The following HMCN1 variants were observed in gnomAD, a reference collection of about 807,000 sequenced individuals.
HMCN1 encodes hemicentin-1.
HMCN1 carries 321 observed loss-of-function variants against 625.9 expected under a neutral mutation model. The observed-to-expected ratio is 0.51, with a 90% confidence interval of 0.47 to 0.56. The LOEUF is 0.56. Among genes scored for constraint, HMCN1 ranks in the 20% least tolerant of loss-of-function variants. The pLI, the probability that HMCN1 is intolerant of heterozygous loss-of-function variation, is 0.00. For synonymous variants in HMCN1, 2,425 were observed against 2,417.6 expected, an observed-to-expected ratio of 1.00 and a Z score of -0.09; for missense variants, 6,588 against 6,887.3, an observed-to-expected ratio of 0.96 and a Z score of 1.54.
rs796078537 is a variant in HMCN1, at chr1:185,885,517, GT to G, written c.621+19665del. Reference sequence around the variant, plus strand: ...TTACTTTAGTGACAAATTTCCTGACGTTTTTTTTTTTCCTTTTCTCTAAACC... The same window carrying G: ...TTACTTTAGTGACAAATTTCCTGACGTTTTTTTTTTCCTTTTCTCTAAACC... On this transcript the variant is annotated intron_variant, in intron 4 of 106. Transcript: ENST00000271588. Among the ~76,000 whole-genome samples the G allele has an allele frequency of 9.2e-3, 1,309 of 142,466 alleles. 16 individuals are homozygous for G. Among genetic ancestry groups the G allele is most frequent in the African/African-American group, 0.029 (1,113 of 37,856 alleles). The allele number at this position is 142,466 out of a possible 152,430, so 93.5% of individuals were successfully genotyped here. A position where few individuals can be genotyped will look rare whatever the true frequency, so the allele number is the denominator to read the frequency against.
intron 4 of HMCN1, among the ~76,000 whole-genome samples, chr1:185,887,450 C>A (rs914787675): frequency 1.4e-5 from 2 of 143,354 alleles, no homozygotes; most frequent in African/African-American, 5.0e-5. Context: ...AATGCTATCC[C>A]TCCCCCCTCC....
chr1:185,994,741 G>A, intron 23 of HMCN1, 74 bp from the exon 24 acceptor site: 1 of 1,416,846 alleles, frequency 7.1e-7, no homozygotes, highest in East Asian at 2.3e-5. Flanking sequence ...TGTTGATAAG[G>A]AGCTCTCGTT....
At chr1:185,827,171 C>CAAAAAAAAAAAA (rs756416016) in intron 1 of HMCN1, among the ~76,000 whole-genome samples, 2 of 43,184 alleles carry the variant, frequency 4.6e-5, no homozygotes, top group East Asian at 7.0e-4. Flanking sequence ...GACTCCATCT[C>CAAAAAAAAAAAA]AAAAAAAAAA....
intron 1 of HMCN1, among the ~76,000 whole-genome samples, chr1:185,741,908 T>A (rs1654018609): frequency 6.6e-6 from 1 of 152,208 alleles, no homozygotes; most frequent in South Asian, 2.1e-4. Context: ...GCTTTGTTCA[T>A]GAGGCTAAAA....
At position 186,069,660 on chromosome 1, in the gene HMCN1, C is replaced by T. The variant is rs1658363776; in HGVS notation, c.7880-3C>T. 14 of 1,600,944 alleles carry T rather than the reference C, an allele frequency of 8.7e-6. No homozygotes were observed. Among genetic ancestry groups the T allele is most frequent in the African/African-American group, 1.3e-5 (1 of 74,792 alleles). ...GACTCTTTGATGTCCCATGATTTTA[C>T]AGGAGGCAGAACTCTGCAGATCCTC... is the stretch of plus-strand genomic sequence containing the variant. On this transcript the variant is annotated splice_polypyrimidine_tract_variant and splice_region_variant and intron_variant, in intron 50 of 106. Coordinates refer to ENST00000271588, the MANE Select transcript of HMCN1 (RefSeq NM_031935.3).
At position 186,078,146 on chromosome 1, in the gene HMCN1, A is replaced by G. The variant is rs1658941807; in HGVS notation, c.8525A>G (p.Asp2842Gly). 1 of 1,613,758 alleles carries G rather than the reference A, an allele frequency of 6.2e-7. No individual in the cohort carries two copies. The highest frequency in any genetic ancestry group is 8.5e-7 in the Non-Finnish European group (1 of 1,179,890). ...CAGATTCCTCGGGCTAAAGTAGAAGATGCTGGGAGATACACATGTGTGGCT... is the reference window on the plus strand; with the variant it reads ...CAGATTCCTCGGGCTAAAGTAGAAGGTGCTGGGAGATACACATGTGTGGCT... ...VLQIPRAKVEDAGRYTCVAVN... is the reference protein window; with the variant it reads ...VLQIPRAKVEGAGRYTCVAVN... Residue 2842 changes from aspartate to glycine, a missense_variant, in exon 55 of 107, where the codon GAT becomes GGT. Around this residue, in one of 3 missense-constraint regions of HMCN1, gnomAD observed 4,628 missense variants for 4,853.1 expected, o/e 0.95. Transcript: ENST00000271588.
At position 185,899,016 on chromosome 1, in the gene HMCN1, G is replaced by A. The variant is rs543696886; in HGVS notation, c.622-10321G>A. Among the ~76,000 whole-genome samples, 11 of 152,160 alleles carry A rather than the reference G, an allele frequency of 7.2e-5. No homozygotes were observed. In the South Asian group the frequency reaches 2.3e-3, roughly 32 times the overall value. Reference sequence around the variant, plus strand: ...AAGGCAATAAAACTTAAGCTTCAGGGCCCTTCTTTTGTGTGGACCCCTTCC... The same window carrying A: ...AAGGCAATAAAACTTAAGCTTCAGGACCCTTCTTTTGTGTGGACCCCTTCC... On this transcript the variant is annotated intron_variant, in intron 4 of 106. Transcript: ENST00000271588.
At chr1:185,965,098 C>T (rs1650310450) in intron 13 of HMCN1, among the ~76,000 whole-genome samples, 1 of 152,030 alleles carries the variant, frequency 6.6e-6, no homozygotes, top group Admixed American at 6.6e-5. Context: ...TCAGCTGAAG[C>T]TAGGAAGTCC....
chr1:186,127,018 T>C (rs1229332175), intron 82 of HMCN1, among the ~76,000 whole-genome samples: 2 of 151,986 alleles, frequency 1.3e-5, no homozygotes, highest in East Asian at 3.9e-4. Context: ...AGTAAGACTC[T>C]GCATATACTT....
intron 11 of HMCN1, among the ~76,000 whole-genome samples, chr1:185,946,629 C>T (rs1052457710): frequency 3.9e-5 from 6 of 152,272 alleles, no homozygotes; most frequent in South Asian, 2.1e-4. Context: ...TGAAAGTTTT[C>T]TAAGTGAGAA....
At chr1:186,055,052 T>A (rs910016362) in intron 44 of HMCN1, among the ~76,000 whole-genome samples, 2 of 152,020 alleles carry the variant, frequency 1.3e-5, no homozygotes, top group Admixed American at 6.6e-5. Flanking sequence ...GCTAGGCTAC[T>A]ATATCTATTT....
At chr1:185,931,854 C>A (rs1187001799) in intron 10 of HMCN1, among the ~76,000 whole-genome samples, 2 of 152,118 alleles carry the variant, frequency 1.3e-5, no homozygotes, top group Non-Finnish European at 2.9e-5. Flanking sequence ...AAGTAATCAT[C>A]TTATTTTTCA....
intron 102 of HMCN1, among the ~76,000 whole-genome samples, chr1:186,172,466 A>T (rs1409955680): frequency 2.0e-5 from 3 of 152,214 alleles, no homozygotes; most frequent in African/African-American, 4.8e-5. Context: ...TCTTGGGGGA[A>T]AGAAAAATTA....
In HMCN1 at chr1:185,808,631, T is replaced by C. The variant is rs188234837; in HGVS notation, c.269-37395T>C. Among the ~76,000 whole-genome samples, 3 of 152,320 alleles carry C rather than the reference T, an allele frequency of 2.0e-5. No individual in the cohort carries two copies. In the East Asian group the frequency reaches 5.8e-4, roughly 29 times the overall value. Reference sequence around the variant, plus strand: ...TTGGTACTTAATATAGGATTTTCTTTTTGTGGCAATAAACCTATGGCTGTA... The same window carrying C: ...TTGGTACTTAATATAGGATTTTCTTCTTGTGGCAATAAACCTATGGCTGTA... On this transcript the variant is annotated intron_variant, in intron 1 of 106. Transcript: ENST00000271588.
chr1:185,768,627 T>G (rs1040662455), intron 1 of HMCN1, among the ~76,000 whole-genome samples: 2 of 152,222 alleles, frequency 1.3e-5, no homozygotes, highest in South Asian at 4.1e-4. Flanking sequence ...GGCAAGTTAA[T>G]CACACACTCT....
At position 186,098,043 on chromosome 1, in the gene HMCN1, A is replaced by T. The variant is rs977389952; in HGVS notation, c.10573+2522A>T. 7.2e-4 allele frequency among the ~76,000 whole-genome samples: 110 copies of T among 152,146 alleles called. 8 individuals carry two copies. Among genetic ancestry groups the T allele is most frequent in the Non-Finnish European group, 1.5e-5 (1 of 68,028 alleles). ...GACCTCTATCTTTCACTGTATACAA[A>T]AATCAACTCAAAATGGATTAAAGAG... On this transcript the variant is annotated intron_variant, in intron 68 of 106. Coordinates refer to ENST00000271588, the MANE Select transcript of HMCN1 (RefSeq NM_031935.3).
intron 22 of HMCN1, 57 bp from the exon 23 acceptor site, chr1:185,993,125 T>A: frequency 6.6e-7 from 1 of 1,526,174 alleles, no homozygotes; most frequent in Non-Finnish European, 9.1e-7. Context: ...TGTAGCTGCA[T>A]AGGGGATATT....
intron 41 of HMCN1, among the ~76,000 whole-genome samples, chr1:186,047,220 A>G (rs565850124): frequency 6.6e-6 from 1 of 152,232 alleles, no homozygotes; most frequent in African/African-American, 2.4e-5. Context: ...GACCAGAATC[A>G]CTGCTGAATG....
At chr1:186,126,456 G>A (rs1661650250) in intron 82 of HMCN1, among the ~76,000 whole-genome samples, 1 of 151,960 alleles carries the variant, frequency 6.6e-6, no homozygotes, top group African/African-American at 2.4e-5. Flanking sequence ...AAATAAGTCA[G>A]AAGAAAAAAG....
Sources: allele counts gnomAD v4.1 joint callset (sites outside exome capture counted in the v4.1 genomes callset), GRCh38; gene constraint gnomAD v4.1.1; regional missense constraint gnomAD v4.1.1; transcripts MANE v1.5; gene names NCBI Gene and HGNC (gene_info 2026-07-23, HGNC 2026-07-21).